The following PIK3R1 variants were observed in gnomAD, a reference collection of about 807,000 sequenced individuals.
PIK3R1 encodes phosphatidylinositol 3-kinase regulatory subunit alpha.
In PIK3R1, 29 loss-of-function variants were observed where a neutral mutation model predicts 98.0. The observed-to-expected ratio is 0.30, with a 90% CI of 0.22 to 0.40. The LOEUF is 0.40. Ranked by LOEUF, PIK3R1 falls within the 10% of genes least tolerant of loss-of-function variation. PIK3R1 has a pLI of 1.00. For missense variants in PIK3R1, 596 were observed against 872.7 expected (o/e 0.68, Z 3.99); for synonymous variants, 282 against 311.8 (o/e 0.90, Z 1.01).
At chr5:68,293,251 T>C in intron 9 of PIK3R1, 52 bp downstream of exon 9, 1 of 1,595,480 alleles carries the variant, frequency 6.3e-7, no homozygotes, top group Non-Finnish European at 8.6e-7. Context: ...TATTAAAACA[T>C]ATTTCCTTAT....
rs568373243 is a variant in PIK3R1 at position 68,271,579 on chromosome 5, G to C, written c.335-1811G>C. Among the ~76,000 whole-genome samples, 24 of 134,242 alleles carry C rather than the reference G, an allele frequency of 1.8e-4. No homozygotes were observed. The South Asian group carries it at 5.4e-3, about 30-fold the overall frequency. The allele number at this position is 134,242 out of a possible 152,430, so 88.1% of individuals were successfully genotyped here. On this transcript the variant is annotated intron_variant, in intron 2 of 15. Transcript: ENST00000521381. The stretch of plus-strand genomic sequence containing the variant: ...CCTATGGTTGTTTCCATTTAAATCA[G>C]TTAAAATAAAAAATTCAGTTCTTCA...
intron 2 of PIK3R1, among the ~76,000 whole-genome samples, chr5:68,243,051 A>G (rs1383997490): frequency 6.9e-6 from 1 of 144,286 alleles, no homozygotes; most frequent in African/African-American, 2.5e-5. Flanking sequence ...GCAAGGCCTT[A>G]AAAAAAAAAA....
At chr5:68,296,099 T>G in intron 14 of PIK3R1, 72 bp from the exon 15 acceptor site, 1 of 1,483,510 alleles carries the variant, frequency 6.7e-7, no homozygotes, top group Non-Finnish European at 9.3e-7. Flanking sequence ...GGGGTATGCC[T>G]AGGGAAGACA....
chr5:68,226,596 A>G lies in PIK3R1; in HGVS notation c.-80A>G. The G allele has an allele frequency of 8.9e-7, 1 of 1,127,028 alleles. No individual in the cohort carries two copies. The highest frequency in any genetic ancestry group is 1.3e-6 in the Non-Finnish European group (1 of 767,690). 69.8% of individuals were successfully genotyped at this position (1,127,028 alleles called of 1,614,324 possible). A position where few individuals can be genotyped will look rare whatever the true frequency, so the allele number is the denominator to read the frequency against. The stretch of plus-strand genomic sequence containing the variant: ...ATAGGAATTCTAACACATTCTCTGA[A>G]TTCACTTTTCATAAAAACGTAAAAT... On this transcript the variant is annotated 5_prime_UTR_variant, in exon 2 of 16. Transcript: ENST00000521381.
chr5:68,269,901 C>T (rs1746275881), intron 2 of PIK3R1, among the ~76,000 whole-genome samples: 1 of 151,826 alleles, frequency 6.6e-6, no homozygotes, highest in Non-Finnish European at 1.5e-5. Flanking sequence ...AAAAAAATCC[C>T]TGTAAAATTT....
intron 7 of PIK3R1, among the ~76,000 whole-genome samples, chr5:68,289,366 A>C (rs993916472): frequency 6.6e-6 from 1 of 152,052 alleles, no homozygotes; most frequent in Non-Finnish European, 1.5e-5. Flanking sequence ...ATTAAACTAG[A>C]CGGGGGACGT....
chr5:68,299,559 TAA>T lies in PIK3R1; in HGVS notation c.*1960_*1961del. On this transcript the variant is annotated 3_prime_UTR_variant, in exon 16 of 16. Coordinates refer to ENST00000521381, the MANE Select transcript of PIK3R1 (RefSeq NM_181523.3). ...GGAACTGTACATGTGTTGGGAGGCA[TAA>T]AGACTAATTAGCAACCATAATATGG... 4.3e-6 allele frequency: 1 copy of T among 233,270 alleles called. No individual in the cohort carries two copies. The highest frequency in any genetic ancestry group is 8.5e-6 in the Non-Finnish European group (1 of 118,046). The allele number at this position is 233,270 out of a possible 1,614,324, so 14.5% of individuals were successfully genotyped here.
At chr5:68,297,388 C>T (rs761869997) in intron 15 of PIK3R1, 24 bp from the exon 16 acceptor site, 2 of 1,584,854 alleles carry the variant, frequency 1.3e-6, no homozygotes, top group East Asian at 4.5e-5. Flanking sequence ...GCTCAAAAGA[C>T]AGTTTTTCTT....
At chr5:68,229,869 T>C (rs1295808937) in intron 2 of PIK3R1, among the ~76,000 whole-genome samples, 1 of 152,256 alleles carries the variant, frequency 6.6e-6, no homozygotes, top group African/African-American at 2.4e-5. Context: ...TTTCTTCCAA[T>C]ACATTTTGCA....
chr5:68,222,622 T>A (rs1293710596), intron 1 of PIK3R1, among the ~76,000 whole-genome samples: 2 of 152,210 alleles, frequency 1.3e-5, no homozygotes, highest in Non-Finnish European at 2.9e-5. Context: ...AAAATTTGCA[T>A]GGCTGAGATG....
intron 7 of PIK3R1, chr5:68,288,823 G>A (rs1747219656): frequency 6.7e-7 from 1 of 1,489,880 alleles, no homozygotes; most frequent in Admixed American, 1.7e-5. Context: ...TTGTCTTGGA[G>A]TACGTGTGTG....
At chr5:68,287,418 T>G (rs1352256794) in intron 7 of PIK3R1, among the ~76,000 whole-genome samples, 1 of 152,162 alleles carries the variant, frequency 6.6e-6, no homozygotes, top group Non-Finnish European at 1.5e-5. Context: ...GCTATAATCT[T>G]CTGTAAACCA....
At position 68,298,735 on chromosome 5, in the gene PIK3R1, A is replaced by T. The variant is rs566394784; in HGVS notation, c.*1134A>T. 2 of 230,184 alleles carry T rather than the reference A, an allele frequency of 8.7e-6. No individual in the cohort carries two copies. The highest frequency in any genetic ancestry group is 1.9e-4 in the South Asian group (1 of 5,338). 14.3% of individuals were successfully genotyped at this position (230,184 alleles called of 1,614,324 possible). ...AAGCTTCAAAGCTGCTTTATTCAAT[A>T]AAAAAAAGAAATGAAAAAGATATAT... On this transcript the variant is annotated 3_prime_UTR_variant, in exon 16 of 16. Transcript: ENST00000521381.
At chr5:68,261,609 G>T (rs906411601) in intron 2 of PIK3R1, among the ~76,000 whole-genome samples, 1 of 152,128 alleles carries the variant, frequency 6.6e-6, no homozygotes, top group African/African-American at 2.4e-5. Flanking sequence ...GGGCTAAAAT[G>T]AATGTCTTCA....
intron 2 of PIK3R1, among the ~76,000 whole-genome samples, chr5:68,248,970 G>A (rs543218234): frequency 1.1e-4 from 17 of 152,196 alleles, no homozygotes; most frequent in East Asian, 3.8e-4. Flanking sequence ...GGATGTCAGC[G>A]TTAGGCTAAT....
rs1226781279 is a variant in PIK3R1 at position 68,280,916 on chromosome 5, C to T, written c.837-11C>T. ...AGGGAAAAGGTTTCTAATAAACTCTCTTTCTTACAGCTCTGATAATACTGA... is the reference window on the plus strand; with the variant it reads ...AGGGAAAAGGTTTCTAATAAACTCTTTTTCTTACAGCTCTGATAATACTGA... On this transcript the variant is annotated splice_polypyrimidine_tract_variant and intron_variant, in intron 6 of 15. Transcript: ENST00000521381. The T allele has an allele frequency of 3.9e-6, 6 of 1,544,426 alleles. No individual in the cohort carries two copies. Among genetic ancestry groups the T allele is most frequent in the Non-Finnish European group, 5.3e-6 (6 of 1,132,646 alleles).
chr5:68,296,063 T>TG (rs1747695173), intron 14 of PIK3R1, 108 bp from the exon 15 acceptor site: 2 of 1,057,554 alleles, frequency 1.9e-6, no homozygotes, highest in Non-Finnish European at 2.8e-6. Context: ...CTGACTGGCT[T>TG]GGTAGGGGCC....
chr5:68,273,949 T>G lies in PIK3R1; in HGVS notation c.438T>G (p.Cys146Trp), dbSNP rs1421084759. 1 of 1,613,764 alleles carries G rather than the reference T, an allele frequency of 6.2e-7. No homozygotes were observed. The highest frequency in any genetic ancestry group is 1.7e-5 in the Admixed American group (1 of 60,012). ...VEAIEKKGLE[C>W]STLYRTQSSS... Reference sequence around the variant, plus strand: ...TGTTTTGTGTCCTAGGTCTGGAATGTTCAACTCTATACAGAACACAGAGCT... The same window carrying G: ...TGTTTTGTGTCCTAGGTCTGGAATGGTCAACTCTATACAGAACACAGAGCT... Residue 146 changes from cysteine to tryptophan, a missense_variant, in exon 4 of 16, where the codon TGT (cysteine) becomes TGG (tryptophan). Around this residue, in one of 3 missense-constraint regions of PIK3R1, gnomAD observed 352 missense variants for 393.3 expected, o/e 0.90. Transcript: ENST00000521381.
rs577496088 is a variant in PIK3R1, at chr5:68,255,826, C to T, written c.335-17564C>T. ...TTGTCATTTGGAAAATTACAAATTC[C>T]CAAAAAGTGGTGATTATTTGGGGCT... On this transcript the variant is annotated intron_variant, in intron 2 of 15. Coordinates refer to ENST00000521381, the MANE Select transcript of PIK3R1 (RefSeq NM_181523.3). Among the ~76,000 whole-genome samples, 5 of 152,166 alleles carry T rather than the reference C, an allele frequency of 3.3e-5. No individual in the cohort carries two copies. The South Asian group carries it at 1.0e-3, about 32-fold the overall frequency.
Sources: gnomAD v4.1 joint callset for allele counts (sites outside exome capture counted in the v4.1 genomes callset) on GRCh38, gnomAD v4.1.1 for gene constraint, gnomAD v4.1.1 regional missense constraint, MANE v1.5 for transcripts, NCBI Gene and HGNC (gene_info 2026-07-23, HGNC 2026-07-21) for gene names.